The following RFC1 variants were observed in gnomAD, a reference collection of about 807,000 sequenced individuals.
RFC1 encodes the protein A1 140 kDa subunit.
RFC1 carries 37 observed loss-of-function variants against 137.4 expected under a neutral mutation model. The observed-to-expected ratio is 0.27, with a 90% CI of 0.21 to 0.35. The LOEUF (loss-of-function observed/expected upper bound fraction) is 0.35. Among genes scored for constraint, RFC1 ranks in the 10% least tolerant of loss-of-function variants. The pLI is 1.00. For missense variants in RFC1, 1,205 were observed against 1,358.5 expected (o/e 0.89, Z 1.78); for synonymous variants, 429 against 455.7 (o/e 0.94, Z 0.75).
intron 2 of RFC1, among the ~76,000 whole-genome samples, chr4:39,346,019 G>A (rs1024240913): frequency 2.6e-5 from 4 of 152,100 alleles, no homozygotes; most frequent in Non-Finnish European, 4.4e-5. Context: ...TACAGAAAAC[G>A]CTATATTATT....
intron 23 of RFC1, among the ~76,000 whole-genome samples, chr4:39,290,411 T>C (rs1340737592): frequency 6.6e-6 from 1 of 151,842 alleles, no homozygotes; most frequent in Non-Finnish European, 1.5e-5. Flanking sequence ...TTGGGAACTT[T>C]AGGCAAACAA....
intron 4 of RFC1, among the ~76,000 whole-genome samples, chr4:39,337,742 A>G (rs1578151611): frequency 6.6e-6 from 1 of 152,190 alleles, no homozygotes; most frequent in Non-Finnish European, 1.5e-5. Context: ...AAAAGTTAGC[A>G]AAGAGAATGT....
intron 4 of RFC1, among the ~76,000 whole-genome samples, chr4:39,337,936 T>G (rs1278688864): frequency 1.3e-5 from 2 of 152,162 alleles, no homozygotes; most frequent in East Asian, 3.8e-4. Flanking sequence ...CAATTAAAAT[T>G]ACCAGTCAAA....
At chr4:39,298,841 G>A (rs927159122) in intron 21 of RFC1, among the ~76,000 whole-genome samples, 10 of 152,050 alleles carry the variant, frequency 6.6e-5, no homozygotes, top group Non-Finnish European at 1.2e-4. Flanking sequence ...AGATTGGGCC[G>A]GGCGCAGTGG....
intron 14 of RFC1, 126 bp from the exon 15 acceptor site, chr4:39,305,054 A>T (rs1738569812): frequency 2.9e-6 from 2 of 695,082 alleles, no homozygotes; most frequent in South Asian, 1.6e-5. Flanking sequence ...GTAAAGTATA[A>T]AGTATGATAC....
chr4:39,333,439 C>T (rs1740203872), intron 4 of RFC1, among the ~76,000 whole-genome samples: 1 of 151,766 alleles, frequency 6.6e-6, no homozygotes, highest in Admixed American at 6.6e-5. Context: ...CTAGTCATCA[C>T]ACTATTAGGA....
intron 1 of RFC1, among the ~76,000 whole-genome samples, chr4:39,359,537 A>G (rs545856885): frequency 1.8e-4 from 27 of 152,324 alleles, no homozygotes; most frequent in East Asian, 5.8e-4. Flanking sequence ...AGGCATAAGA[A>G]TAATACAATA....
chr4:39,342,475 T>C lies in RFC1; in HGVS notation c.209-8A>G. ...TCTCCTCTGACTCTGAATCTGTATGTGAGAGAAAAATAAAACAAAACTTTG... is the reference window on the plus strand; with the variant it reads ...TCTCCTCTGACTCTGAATCTGTATGCGAGAGAAAAATAAAACAAAACTTTG... On this transcript the variant is annotated splice_polypyrimidine_tract_variant and splice_region_variant and intron_variant, in intron 3 of 24. Transcript: ENST00000349703. 6.2e-7 allele frequency: 1 copy of C among 1,609,856 alleles called. No homozygotes were observed.
chr4:39,290,632 T>C (rs925530930), intron 23 of RFC1, among the ~76,000 whole-genome samples: 1 of 151,910 alleles, frequency 6.6e-6, no homozygotes, highest in Non-Finnish European at 1.5e-5. Context: ...CTGGCCAACA[T>C]AGGGAAACCC....
chr4:39,292,079 A>G, intron 22 of RFC1: 1 of 505,518 alleles, frequency 2.0e-6, no homozygotes. Flanking sequence ...CTACTTACCT[A>G]CATCAGTGAC....
chr4:39,318,156 CAA>C (rs5857672), intron 9 of RFC1: 44 of 148,854 alleles, frequency 3.0e-4, no homozygotes, highest in South Asian at 6.4e-4. Flanking sequence ...GACTCCGTCT[CAA>C]AAAAAAAAAA....
intron 15 of RFC1, among the ~76,000 whole-genome samples, chr4:39,303,394 C>T (rs1395374875): frequency 6.6e-6 from 1 of 151,828 alleles, no homozygotes; most frequent in African/African-American, 2.4e-5. Context: ...AAACAACAGT[C>T]TCTTATATGT....
rs755632218 is a variant in RFC1 at position 39,309,014 on chromosome 4, G to A, written c.1507C>T (p.Leu503=). The A allele has an allele frequency of 6.3e-7, 1 of 1,598,064 alleles. No homozygotes were observed. The highest frequency in any genetic ancestry group is 8.5e-7 in the Non-Finnish European group (1 of 1,176,156). Residue 503 remains leucine (L), a synonymous_variant, in exon 13 of 25, where the codon CTG becomes TTG. Coordinates refer to ENST00000349703, the MANE Select transcript of RFC1 (RefSeq NM_002913.5). ...VETEMKKESK[L]ERTPQKNVQG... ...ACATTTTTTTGGGGTGTTCTCTCCAGTTTGGACTCTTTCTTCATCTTAAGA... is the reference window on the plus strand; with the variant it reads ...ACATTTTTTTGGGGTGTTCTCTCCAATTTGGACTCTTTCTTCATCTTAAGA...
chr4:39,300,920 C>T (rs573439837), intron 19 of RFC1, among the ~76,000 whole-genome samples: 106 of 151,930 alleles, frequency 7.0e-4, no homozygotes, highest in Non-Finnish European at 1.0e-3. Context: ...ATAGTAAAAC[C>T]TCGTCTCTAC....
chr4:39,305,894 A>G (rs1389867952), intron 14 of RFC1, among the ~76,000 whole-genome samples: 2 of 152,236 alleles, frequency 1.3e-5, no homozygotes, highest in Non-Finnish European at 2.9e-5. Context: ...CACAGTGGAA[A>G]CAGATAAAAT....
Position 39,300,425 on chromosome 4 carries a change from A to G in RFC1, c.2536-11T>C. 6.2e-7 allele frequency: 1 copy of G among 1,611,750 alleles called. No homozygotes were observed. The highest frequency in any genetic ancestry group is 8.5e-7 in the Non-Finnish European group (1 of 1,178,030). ...AACATCAAATGGGCCCTGAAAAAAGAGAGGGACACACCTATTAGAATGGCC... is the reference window on the plus strand; with the variant it reads ...AACATCAAATGGGCCCTGAAAAAAGGGAGGGACACACCTATTAGAATGGCC... On this transcript the variant is annotated splice_polypyrimidine_tract_variant and intron_variant, in intron 19 of 24. Transcript: ENST00000349703.
Position 39,308,656 on chromosome 4 carries a change from G to C in RFC1, c.1865C>G (p.Ser622Cys), listed in dbSNP as rs770083988. 3 of 1,610,980 alleles carry C rather than the reference G, an allele frequency of 1.9e-6. No homozygotes were observed. The highest frequency in any genetic ancestry group is 2.2e-5 in the South Asian group (2 of 90,846). Residue 622 changes from serine to cysteine, a missense_variant, in exon 13 of 25, where the codon TCT (serine) becomes TGT (cysteine). Transcript: ENST00000349703. ...LRWLRNWQKS[S>C]SEDKKHAKFG... ...ATCACCGTGTTTTTTATCTTCGGAA[G>C]AACTCTTTTGCCAGTTTCGGAGCCA...
At chr4:39,351,159 G>A (rs1408035685) in intron 2 of RFC1, among the ~76,000 whole-genome samples, 189 bp downstream of exon 2, 1 of 149,800 alleles carries the variant, frequency 6.7e-6, no homozygotes, top group African/African-American at 2.5e-5. Context: ...ACTGAGGCAG[G>A]AGAATGGCAT....
rs191972977 is a variant in RFC1 at position 39,359,838 on chromosome 4, G to T, written c.3+6401C>A. The stretch of plus-strand genomic sequence containing the variant: ...CTCTGTCTCAAAAAAAAAAAAAAAA[G>T]AATAATACAGTGGACTCTGGGGAGT... On this transcript the variant is annotated intron_variant, in intron 1 of 24. Transcript: ENST00000349703. 8.8e-5 allele frequency among the ~76,000 whole-genome samples: 13 copies of T among 147,146 alleles called. 1 individual carries two copies. In the East Asian group the frequency reaches 2.0e-3, roughly 22 times the overall value.
Sources: allele counts gnomAD v4.1 joint callset (sites outside exome capture counted in the v4.1 genomes callset), GRCh38; gene constraint gnomAD v4.1.1; transcripts MANE v1.5; gene names NCBI Gene and HGNC (gene_info 2026-07-23, HGNC 2026-07-21).